Variants in PAFAH1B1 observed in about 807,000 individuals in gnomAD.
PAFAH1B1 encodes the protein platelet-activating factor acetylhydrolase IB subunit beta.
A neutral mutation model predicts 57.5 loss-of-function variants in PAFAH1B1; 2 were observed. That is an observed-to-expected ratio of 0.03 (90% CI 0.01 to 0.11). The LOEUF is 0.11. Ranked by LOEUF, PAFAH1B1 falls within the 10% of genes least tolerant of loss-of-function variation. The pLI is 1.00. For synonymous variants in PAFAH1B1, 152 were observed against 169.6 expected, an observed-to-expected ratio of 0.90 and a Z score of 0.81; for missense variants, 257 against 512.0, an observed-to-expected ratio of 0.50 and a Z score of 4.81.
chr17:2,634,256 C>T (rs2068594245), intron 1 of PAFAH1B1, among the ~76,000 whole-genome samples: 1 of 152,162 alleles, frequency 6.6e-6, no homozygotes, highest in Non-Finnish European at 1.5e-5. Context: ...CCTGCCTCAG[C>T]CTCTCAAGTA....
rs538561975 is a variant in PAFAH1B1, at chr17:2,597,703, C to G, written c.-191+3697C>G. Among the ~76,000 whole-genome samples, 13 of 151,854 alleles carry G rather than the reference C, an allele frequency of 8.6e-5. No homozygotes were observed. The South Asian group carries it at 2.5e-3, about 29-fold the overall frequency. ...GAATTACAGATGTGAGCCACCACAC[C>G]CTTCCCTATTTTCTATTTTTTAAAA... On this transcript the variant is annotated intron_variant, in intron 1 of 10. Transcript: ENST00000397195.
chr17:2,664,319 C>T (rs1360877646), intron 2 of PAFAH1B1, among the ~76,000 whole-genome samples: 2 of 151,904 alleles, frequency 1.3e-5, no homozygotes, highest in Non-Finnish European at 2.9e-5. Context: ...CTGGGCTCAC[C>T]ACAGCCTCCA....
chr17:2,647,794 GGTGATTGAGACCA>G (rs2068788677), intron 2 of PAFAH1B1, among the ~76,000 whole-genome samples: 1 of 151,674 alleles, frequency 6.6e-6, no homozygotes, highest in African/African-American at 2.4e-5. Context: ...CATGGGGTCA[GGTGATTGAGACCA>G]TCCTGGCTAA....
intron 2 of PAFAH1B1, among the ~76,000 whole-genome samples, chr17:2,647,100 A>G (rs1195996446): frequency 6.6e-6 from 1 of 152,184 alleles, no homozygotes; most frequent in Non-Finnish European, 1.5e-5. Flanking sequence ...CTGTAATCAC[A>G]GCACTTTGGG....
At chr17:2,653,672 A>G (rs2068897660) in intron 2 of PAFAH1B1, among the ~76,000 whole-genome samples, 2 of 152,238 alleles carry the variant, frequency 1.3e-5, no homozygotes, top group Non-Finnish European at 2.9e-5. Flanking sequence ...AACAAAGTAC[A>G]CGAATGAATT....
rs73976564 is a variant in PAFAH1B1 at position 2,642,907 on chromosome 17, A to G, written c.32+4587A>G. On this transcript the variant is annotated intron_variant, in intron 2 of 10. Coordinates refer to ENST00000397195, the MANE Select transcript of PAFAH1B1 (RefSeq NM_000430.4). ...TTTTTTAATATATAAACCATTATCTATAGAAAAACATGTACCCAGAAGTGT... is the reference window on the plus strand; with the variant it reads ...TTTTTTAATATATAAACCATTATCTGTAGAAAAACATGTACCCAGAAGTGT... Among the ~76,000 whole-genome samples the G allele has an allele frequency of 2.9e-3, 448 of 152,196 alleles. 2 individuals are homozygous for G. The highest frequency in any genetic ancestry group is 9.8e-3 in the African/African-American group (406 of 41,514).
chr17:2,595,159 C>T (rs2068071064), intron 1 of PAFAH1B1, among the ~76,000 whole-genome samples: 1 of 151,742 alleles, frequency 6.6e-6, no homozygotes. Flanking sequence ...GGTCCCCCCT[C>T]CCTCTTTCCT....
At chr17:2,609,803 C>T (rs1359106839) in intron 1 of PAFAH1B1, among the ~76,000 whole-genome samples, 2 of 151,986 alleles carry the variant, frequency 1.3e-5, no homozygotes, top group Non-Finnish European at 2.9e-5. Context: ...AGCCACCGCG[C>T]CCGGCTGAAA....
At chr17:2,664,502 T>A (rs1597566899) in intron 2 of PAFAH1B1, among the ~76,000 whole-genome samples, 1 of 150,202 alleles carries the variant, frequency 6.7e-6, no homozygotes, top group Admixed American at 6.7e-5. Flanking sequence ...GCCTCCCGGG[T>A]TCAAGCAATT....
intron 2 of PAFAH1B1, among the ~76,000 whole-genome samples, chr17:2,650,682 A>G (rs2068837851): frequency 6.6e-6 from 1 of 151,834 alleles, no homozygotes; most frequent in South Asian, 2.1e-4. Context: ...GAAAAAATCA[A>G]ATTTTATGTG....
intron 2 of PAFAH1B1, among the ~76,000 whole-genome samples, chr17:2,658,524 G>A (rs2068968807): frequency 6.6e-6 from 1 of 152,118 alleles, no homozygotes; most frequent in African/African-American, 2.4e-5. Flanking sequence ...TTTGGCTTTT[G>A]TTGCAACTGT....
At chr17:2,643,788 T>G (rs1388047466) in intron 2 of PAFAH1B1, among the ~76,000 whole-genome samples, 2 of 152,076 alleles carry the variant, frequency 1.3e-5, no homozygotes, top group Admixed American at 1.3e-4. Flanking sequence ...CTCAAGCTCC[T>G]GACCTCAACA....
chr17:2,671,728 A>T (rs1005992466), intron 6 of PAFAH1B1, among the ~76,000 whole-genome samples: 2 of 151,382 alleles, frequency 1.3e-5, no homozygotes, highest in African/African-American at 2.4e-5. Context: ...TCAGCCTCCA[A>T]AGTAGCTGGC....
At chr17:2,634,183 T>C (rs964556963) in intron 1 of PAFAH1B1, among the ~76,000 whole-genome samples, 3 of 152,094 alleles carry the variant, frequency 2.0e-5, no homozygotes, top group Admixed American at 6.6e-5. Context: ...TTGCCCACCC[T>C]GGAGTGCAAT....
intron 2 of PAFAH1B1, among the ~76,000 whole-genome samples, chr17:2,662,377 T>TG (rs1567552873): frequency 1.7e-4 from 22 of 126,082 alleles, no homozygotes; most frequent in Non-Finnish European, 2.5e-4. Flanking sequence ...TTTTAACCTC[T>TG]TTGTGTGTGT....
At chr17:2,670,872 A>G (rs2069172295) in intron 6 of PAFAH1B1, among the ~76,000 whole-genome samples, 2 of 152,222 alleles carry the variant, frequency 1.3e-5, no homozygotes, top group Non-Finnish European at 2.9e-5. Context: ...ACGGTATTAG[A>G]AAATTTAAAC....
chr17:2,684,297 G>C lies in PAFAH1B1; in HGVS notation c.*2495G>C, dbSNP rs1253255480. On this transcript the variant is annotated 3_prime_UTR_variant, in exon 11 of 11. Transcript: ENST00000397195. ...CTGCACTGCTGTCTGACACTGTCCT[G>C]TTGATGCCCTTTCTGACTGTGTTCT... 1 of 152,804 alleles carries C rather than the reference G, an allele frequency of 6.5e-6. No homozygotes were observed. Among genetic ancestry groups the C allele is most frequent in the Non-Finnish European group, 1.5e-5 (1 of 68,162 alleles). The allele number at this position is 152,804 out of a possible 1,614,324, so 9.5% of individuals were successfully genotyped here.
chr17:2,678,422 C>T (rs963091187), intron 9 of PAFAH1B1, among the ~76,000 whole-genome samples: 1 of 149,172 alleles, frequency 6.7e-6, no homozygotes, highest in Admixed American at 6.7e-5. Context: ...AAAAAAAACC[C>T]GGGCATGGTG....
intron 8 of PAFAH1B1, among the ~76,000 whole-genome samples, chr17:2,675,358 A>G (rs1241895404): frequency 3.9e-5 from 6 of 152,186 alleles, no homozygotes; most frequent in Admixed American, 6.5e-5. Context: ...CTACATGTCA[A>G]TAAACAAAGG....
Sources: allele counts gnomAD v4.1 joint callset (sites outside exome capture counted in the v4.1 genomes callset), GRCh38; gene constraint gnomAD v4.1.1; transcripts MANE v1.5; gene names NCBI Gene and HGNC (gene_info 2026-07-23, HGNC 2026-07-21).